Variants in ABCA12 observed in about 807,000 individuals in gnomAD.
ABCA12 encodes ATP binding cassette subfamily A member 12, also known as glucosylceramide transporter ABCA12.
Under a neutral mutation model 293.5 loss-of-function variants are expected in ABCA12, and 156 were observed. That is an observed-to-expected ratio of 0.53 (90% confidence interval 0.47 to 0.61). ABCA12 has a LOEUF of 0.61. ABCA12 is among the 20% of genes least tolerant of loss of function. The pLI is 0.00. For synonymous variants in ABCA12, 1,063 were observed against 1,108.0 expected (o/e 0.96, Z 0.81); for missense variants, 2,797 against 3,090.2 (o/e 0.91, Z 2.25).
chr2:214,977,579 T>C (rs1699546629), intron 33 of ABCA12, among the ~76,000 whole-genome samples: 1 of 152,172 alleles, frequency 6.6e-6, no homozygotes, highest in Non-Finnish European at 1.5e-5. Context: ...CTTCCTTAAG[T>C]AAATGGTGTT....
chr2:214,957,806 T>C (rs969121712), intron 41 of ABCA12, among the ~76,000 whole-genome samples: 1 of 152,224 alleles, frequency 6.6e-6, no homozygotes, highest in Non-Finnish European at 1.5e-5. Flanking sequence ...AATGTGTCAT[T>C]AGCAGGGGCT....
intron 1 of ABCA12, among the ~76,000 whole-genome samples, chr2:215,123,234 C>T (rs549792044): frequency 4.3e-4 from 66 of 152,092 alleles, no homozygotes; most frequent in African/African-American, 1.3e-3. Flanking sequence ...AGTGCAGTGG[C>T]GCAATCTCGG....
At chr2:215,002,429 C>T (rs1026885145) in intron 20 of ABCA12, among the ~76,000 whole-genome samples, 4 of 151,992 alleles carry the variant, frequency 2.6e-5, no homozygotes, top group African/African-American at 7.2e-5. Flanking sequence ...GGAAATCAAC[C>T]GGGACAAAGG....
chr2:215,053,858 G>T (rs1701366677), intron 4 of ABCA12, among the ~76,000 whole-genome samples: 1 of 152,096 alleles, frequency 6.6e-6, no homozygotes, highest in Non-Finnish European at 1.5e-5. Context: ...ATGTTAGCCA[G>T]TCGTGCTGTT....
In ABCA12 at chr2:214,970,360, G is replaced by A; in HGVS notation, c.5603C>T (p.Thr1868Ile). 3.1e-6 allele frequency: 5 copies of A among 1,613,338 alleles called. No individual in the cohort carries two copies. Among genetic ancestry groups the A allele is most frequent in the South Asian group, 1.1e-5 (1 of 91,052 alleles). The change falls in exon 37 of 53, where the codon ACT (threonine) becomes ATT (isoleucine). Residue 1868 changes from threonine to isoleucine, a missense_variant. Transcript: ENST00000272895. ...KFNYSPPHRRTYSSQVIYNLT... is the reference protein window; with the variant it reads ...KFNYSPPHRRIYSSQVIYNLT... ...GTTATAAATTACCTGGGATGAGTAAGTTCTTCTGTGCGGTGGGGAATAGTT... is the reference window on the plus strand; with the variant it reads ...GTTATAAATTACCTGGGATGAGTAAATTCTTCTGTGCGGTGGGGAATAGTT...
intron 2 of ABCA12, among the ~76,000 whole-genome samples, chr2:215,081,738 A>G (rs955299128): frequency 6.6e-6 from 1 of 152,178 alleles, no homozygotes; most frequent in Non-Finnish European, 1.5e-5. Flanking sequence ...TCTTAAATAT[A>G]TACACACACA....
At chr2:215,135,889 A>G (rs1703215554) in intron 1 of ABCA12, among the ~76,000 whole-genome samples, 1 of 152,138 alleles carries the variant, frequency 6.6e-6, no homozygotes, top group African/African-American at 2.4e-5. Flanking sequence ...GGAGAGACAG[A>G]GCTGACCCTA....
chr2:215,029,298 GCAGAGACACTGGC>G (rs1255095093), intron 9 of ABCA12: 1 of 152,240 alleles, frequency 6.6e-6, no homozygotes, highest in African/African-American at 2.4e-5. Flanking sequence ...GCAGGAAGCT[GCAGAGACACTGGC>G]CATTTATCTG....
At position 215,011,604 on chromosome 2, in the gene ABCA12, T is replaced by C. The variant is rs756710298; in HGVS notation, c.2167A>G (p.Ser723Gly). 1 of 1,614,110 alleles carries C rather than the reference T, an allele frequency of 6.2e-7. No homozygotes were observed. The highest frequency in any genetic ancestry group is 8.5e-7 in the Non-Finnish European group (1 of 1,179,952). Reference sequence around the variant, plus strand: ...GAACATAATGCTTGGGAGATGGTGCTAAATGATCCTTGTGGTGTGTTCATT... The same window carrying C: ...GAACATAATGCTTGGGAGATGGTGCCAAATGATCCTTGTGGTGTGTTCATT... ...NRMNTPQGSF[S>G]TISQALCSQG... Residue 723 changes from serine to glycine, a missense_variant, in exon 17 of 53, where the codon AGC becomes GGC. This residue lies in a region of ABCA12 where 2,130 missense variants were observed against 2,427.0 expected (regional missense o/e 0.88). Coordinates refer to ENST00000272895, the MANE Select transcript of ABCA12 (RefSeq NM_173076.3).
chr2:214,974,323 T>C (rs1187012718), intron 35 of ABCA12, among the ~76,000 whole-genome samples: 1 of 152,218 alleles, frequency 6.6e-6, no homozygotes, highest in Admixed American at 6.5e-5. Flanking sequence ...CTCTCCTTTA[T>C]ACTCTTTGCA....
intron 1 of ABCA12, among the ~76,000 whole-genome samples, chr2:215,115,990 G>A (rs1171708245): frequency 6.6e-6 from 1 of 152,142 alleles, no homozygotes; most frequent in Admixed American, 6.5e-5. Context: ...GATGATAAAA[G>A]TAGAAATATC....
At chr2:214,981,770 T>G (rs1699662550) in intron 30 of ABCA12, among the ~76,000 whole-genome samples, 1 of 141,012 alleles carries the variant, frequency 7.1e-6, no homozygotes, top group African/African-American at 2.6e-5. Flanking sequence ...GGTTTTTTTT[T>G]TTTTTTTTTT....
intron 32 of ABCA12, among the ~76,000 whole-genome samples, 153 bp from the exon 33 acceptor site, chr2:214,978,619 C>T (rs754283659): frequency 4.6e-5 from 7 of 152,114 alleles, no homozygotes; most frequent in Non-Finnish European, 8.8e-5. Context: ...GTAAAAGATA[C>T]GTGCTGTCTA....
At chr2:214,963,923 CAAAA>C (rs71041974) in intron 39 of ABCA12, among the ~76,000 whole-genome samples, 1 of 59,906 alleles carries the variant, frequency 1.7e-5, no homozygotes, top group African/African-American at 7.1e-5. Context: ...GACTCTGCCT[CAAAA>C]AAAAAAAAAA....
rs1216791143 is a variant in ABCA12, at chr2:214,969,591, AT to A, written c.5690+681del. ...TAATAAAACCCATTTTGTTAAAAAT[AT>A]TTACATGTATATCTGTGACAAACTT... On this transcript the variant is annotated intron_variant, in intron 37 of 52. Transcript: ENST00000272895. Among the ~76,000 whole-genome samples, 3 of 152,110 alleles carry A rather than the reference AT, an allele frequency of 2.0e-5. No individual in the cohort carries two copies. In the East Asian group the frequency reaches 5.8e-4, roughly 29 times the overall value.
chr2:214,958,919 G>T, intron 40 of ABCA12, 105 bp downstream of exon 40: 2 of 1,212,008 alleles, frequency 1.7e-6, no homozygotes, highest in Non-Finnish European at 2.5e-6. Context: ...AGCCCTTCTA[G>T]ATTGACATTC....
At chr2:215,078,338 C>T (rs1477820961) in intron 2 of ABCA12, among the ~76,000 whole-genome samples, 1 of 152,194 alleles carries the variant, frequency 6.6e-6, no homozygotes, top group Non-Finnish European at 1.5e-5. Flanking sequence ...CTTGGTAGAG[C>T]AAAGTAACTT....
chr2:215,027,028 A>G (rs1372534186), intron 9 of ABCA12, 90 bp from the exon 10 acceptor site: 3 of 965,706 alleles, frequency 3.1e-6, no homozygotes, highest in South Asian at 1.3e-5. Context: ...CTTGTTTGGC[A>G]TTGGTTGACT....
In ABCA12 at chr2:214,986,726, G is replaced by C; in HGVS notation, c.3979C>G (p.Pro1327Ala). 3.1e-6 allele frequency: 5 copies of C among 1,614,000 alleles called. No individual in the cohort carries two copies. Among genetic ancestry groups the C allele is most frequent in the Non-Finnish European group, 4.2e-6 (5 of 1,179,896 alleles). Residue 1327 changes from proline to alanine, a missense_variant and splice_region_variant, in exon 28 of 53, where the codon CCT becomes GCT. By Grantham distance (27) the Pro-to-Ala change is conservative (BLOSUM62 -1). Transcript: ENST00000272895. ...MMQNTNPSASPEYMFSSNIEP... is the reference protein window; with the variant it reads ...MMQNTNPSASAEYMFSSNIEP... ...ATGTTAGAGGAAAACATGTATTCAG[G>C]ACCTGGAGAGAAATCAAGGGAAGAG...
Sources: gnomAD v4.1 joint callset for allele counts (sites outside exome capture counted in the v4.1 genomes callset) on GRCh38, gnomAD v4.1.1 for gene constraint, gnomAD v4.1.1 regional missense constraint, MANE v1.5 for transcripts, NCBI Gene and HGNC (gene_info 2026-07-23, HGNC 2026-07-21) for gene names.